AK8: variants seen among roughly 807,000 people sequenced by gnomAD.
AK8 encodes ATP-AMP transphosphorylase 8.
AK8 carries 44 observed loss-of-function variants against 54.6 expected under a neutral mutation model. That is an observed-to-expected ratio of 0.81 (90% confidence interval 0.63 to 1.04). The LOEUF (loss-of-function observed/expected upper bound fraction) is 1.04. Ranked by LOEUF, AK8 falls within the 50% of genes least tolerant of loss-of-function variation. The pLI, the probability that AK8 is intolerant of heterozygous loss-of-function variation, is 0.00. For synonymous variants in AK8, 239 were observed against 245.6 expected, an observed-to-expected ratio of 0.97 and a Z score of 0.25; for missense variants, 555 against 613.6, an observed-to-expected ratio of 0.90 and a Z score of 1.01.
chr9:132,851,299 A>G (rs1432613112), intron 5 of AK8, among the ~76,000 whole-genome samples: 2 of 152,080 alleles, frequency 1.3e-5, no homozygotes, highest in African/African-American at 4.8e-5. Flanking sequence ...GAAAGAGGGG[A>G]CCCTTCTCCA....
intron 5 of AK8, among the ~76,000 whole-genome samples, chr9:132,840,139 T>A (rs909389665): frequency 2.0e-5 from 3 of 152,078 alleles, no homozygotes; most frequent in Non-Finnish European, 2.9e-5. Context: ...TTAAAGGTAG[T>A]ACTATGGCTC....
chr9:132,795,194 T>C (rs958834686), intron 10 of AK8, among the ~76,000 whole-genome samples: 2 of 152,186 alleles, frequency 1.3e-5, no homozygotes, highest in African/African-American at 4.8e-5. Flanking sequence ...GTAAACCTAG[T>C]GACCTCCTCC....
chr9:132,870,030 C>T (rs548348315), intron 2 of AK8, among the ~76,000 whole-genome samples: 1 of 152,088 alleles, frequency 6.6e-6, no homozygotes. Flanking sequence ...GGGCTCAGGG[C>T]GCCCAGAGCC....
chr9:132,873,474 C>A (rs757826503), intron 2 of AK8, among the ~76,000 whole-genome samples: 3 of 152,210 alleles, frequency 2.0e-5, no homozygotes, highest in African/African-American at 7.2e-5. Flanking sequence ...TGCTGCACTG[C>A]ACTTTCCACT....
chr9:132,832,546 G>A (rs1463996232), intron 5 of AK8, among the ~76,000 whole-genome samples: 6 of 152,164 alleles, frequency 3.9e-5, no homozygotes, highest in Admixed American at 3.9e-4. Flanking sequence ...ATTGATTGCT[G>A]CTTCTAGTAC....
rs955395993 is a variant in AK8 at position 132,799,621 on chromosome 9, C to A, written c.980-6846G>T. 6.6e-6 allele frequency among the ~76,000 whole-genome samples: 1 copy of A among 151,888 alleles called. No individual in the cohort carries two copies. Among genetic ancestry groups the A allele is most frequent in the Non-Finnish European group, 1.5e-5 (1 of 67,940 alleles). ...AACACACACACACACACACCACACACCCCCACACCCCTACACCCCACCACG... is the reference window on the plus strand; with the variant it reads ...AACACACACACACACACACCACACAACCCCACACCCCTACACCCCACCACG... On this transcript the variant is annotated intron_variant, in intron 10 of 12. Coordinates refer to ENST00000298545, the MANE Select transcript of AK8 (RefSeq NM_152572.3). This position sits in a 1 kb window ranked among gnomAD's most constrained non-coding sequence, Gnocchi z 5.0.
At chr9:132,831,970 A>C (rs1320199165) in intron 5 of AK8, among the ~76,000 whole-genome samples, 1 of 150,676 alleles carries the variant, frequency 6.6e-6, no homozygotes, top group Non-Finnish European at 1.5e-5. Flanking sequence ...GCTGAGGCAG[A>C]AAGATCCCCT....
intron 11 of AK8, among the ~76,000 whole-genome samples, chr9:132,754,128 C>T (rs1257835909): frequency 2.0e-5 from 3 of 152,226 alleles, no homozygotes; most frequent in Non-Finnish European, 4.4e-5. Flanking sequence ...GAAGAGGGCA[C>T]ATGGCCGCCT....
chr9:132,773,609 A>C (rs1839075121), intron 11 of AK8, among the ~76,000 whole-genome samples: 1 of 152,210 alleles, frequency 6.6e-6, no homozygotes, highest in Admixed American at 6.5e-5. Flanking sequence ...CTAACTGAAT[A>C]AAGTCATTGC....
chr9:132,745,432 G>T (rs986965058), intron 11 of AK8, among the ~76,000 whole-genome samples: 3 of 152,096 alleles, frequency 2.0e-5, no homozygotes, highest in African/African-American at 7.2e-5. Flanking sequence ...CGTCCGTGTC[G>T]CGGCTGTAAT....
chr9:132,765,644 A>G (rs2131069734), intron 11 of AK8, among the ~76,000 whole-genome samples: 1 of 152,282 alleles, frequency 6.6e-6, no homozygotes, highest in Admixed American at 6.5e-5. Flanking sequence ...AAACAACAAC[A>G]ACAAAACCCT....
intron 11 of AK8, among the ~76,000 whole-genome samples, chr9:132,730,377 A>G (rs1836779121): frequency 6.6e-6 from 1 of 151,780 alleles, no homozygotes; most frequent in African/African-American, 2.4e-5. Context: ...GAATGAAGAA[A>G]TGAACCAACC....
rs753791523 is a variant in AK8, at chr9:132,834,483, C to A, written c.403-5757G>T. On this transcript the variant is annotated intron_variant, in intron 5 of 12. Coordinates refer to ENST00000298545, the MANE Select transcript of AK8 (RefSeq NM_152572.3). Reference sequence around the variant, plus strand: ...AAGTTGAATCCCAAACAATATGCAACCCCTGTTAGCACTGAACGTGGAATG... The same window carrying A: ...AAGTTGAATCCCAAACAATATGCAAACCCTGTTAGCACTGAACGTGGAATG... Among the ~76,000 whole-genome samples the A allele has an allele frequency of 6.6e-5, 10 of 152,328 alleles. No homozygotes were observed. In the Middle Eastern group the frequency reaches 0.01, roughly 155 times the overall value.
intron 4 of AK8, among the ~76,000 whole-genome samples, chr9:132,862,161 A>T (rs1843414195): frequency 6.6e-6 from 1 of 152,144 alleles, no homozygotes; most frequent in Admixed American, 6.5e-5. Flanking sequence ...GTGTCCCCGC[A>T]AGCTGAAGCC....
chr9:132,837,406 C>T lies in AK8; in HGVS notation c.403-8680G>A, dbSNP rs1247220672. On this transcript the variant is annotated intron_variant, in intron 5 of 12. Transcript: ENST00000298545. The surrounding 1 kb of genome is among the most constrained non-coding windows in gnomAD (Gnocchi z 4.3). ...CTGCTGTGGGTGCCCTGCTAGCTCTCGGGAGCAGACGTGGCACCTCTGACT... is the reference window on the plus strand; with the variant it reads ...CTGCTGTGGGTGCCCTGCTAGCTCTTGGGAGCAGACGTGGCACCTCTGACT... Among the ~76,000 whole-genome samples the T allele has an allele frequency of 1.3e-5, 2 of 151,894 alleles. No individual in the cohort carries two copies. The highest frequency in any genetic ancestry group is 1.9e-4 in the East Asian group (1 of 5,178).
intron 11 of AK8, among the ~76,000 whole-genome samples, chr9:132,774,446 G>A (rs1379705113): frequency 6.6e-6 from 1 of 152,132 alleles, no homozygotes; most frequent in Non-Finnish European, 1.5e-5. Flanking sequence ...CAAGCTTTTA[G>A]ACATCTGCCA....
At chr9:132,756,873 C>G (rs988696614) in intron 11 of AK8, among the ~76,000 whole-genome samples, 3 of 152,106 alleles carry the variant, frequency 2.0e-5, no homozygotes. Context: ...GGACTCGTGT[C>G]TAGAGAGTTC....
Position 132,725,894 on chromosome 9 carries a change from T to C in AK8, c.1234A>G (p.Met412Val). Residue 412 changes from methionine to valine, a missense_variant, in exon 13 of 13, where the codon ATG (methionine) becomes GTG (valine). Physicochemically the swap from Met to Val is conservative, Grantham distance 21. Coordinates refer to ENST00000298545, the MANE Select transcript of AK8 (RefSeq NM_152572.3). The stretch of plus-strand genomic sequence containing the variant: ...TGCAGGAGGCGAGCCTGGATCTCCA[T>C]GGTGGGAGGTGGCTTGTACATGAGG... Reference protein sequence around the residue: ...YHLMYKPPPTMEIQARLLQNP... With the variant: ...YHLMYKPPPTVEIQARLLQNP... 1.2e-6 allele frequency: 2 copies of C among 1,611,748 alleles called. No individual in the cohort carries two copies. The highest frequency in any genetic ancestry group is 4.5e-5 in the East Asian group (2 of 44,852).
At chr9:132,876,793 T>C (rs1844121286) in intron 1 of AK8, among the ~76,000 whole-genome samples, 1 of 152,124 alleles carries the variant, frequency 6.6e-6, no homozygotes. Flanking sequence ...GGACTGGAAA[T>C]ACTGGACTGA....
Sources: gnomAD v4.1 joint callset for allele counts (sites outside exome capture counted in the v4.1 genomes callset) on GRCh38, gnomAD v4.1.1 for gene constraint, Gnocchi (gnomAD v3.1) non-coding constraint, MANE v1.5 for transcripts, NCBI Gene and HGNC (gene_info 2026-07-23, HGNC 2026-07-21) for gene names.